The following CA10 variants were observed in gnomAD, a reference collection of about 807,000 sequenced individuals.
CA10 encodes the protein carbonic anhydrase 10 (inactive), also known as carbonic anhydrase-related protein 10.
In CA10, 14 loss-of-function variants were observed where a neutral mutation model predicts 44.2. The observed-to-expected ratio is 0.32, with a 90% CI of 0.21 to 0.50. CA10 has a LOEUF of 0.50. Ranked by LOEUF, CA10 falls within the 20% of genes least tolerant of loss-of-function variation. CA10 has a pLI of 0.99. For missense variants in CA10, 350 were observed against 409.7 expected, an observed-to-expected ratio of 0.85 and a Z score of 1.26; for synonymous variants, 159 against 141.6, an observed-to-expected ratio of 1.12 and a Z score of -0.87.
intron 3 of CA10, among the ~76,000 whole-genome samples, chr17:51,826,040 G>A (rs985023104): frequency 2.6e-5 from 4 of 152,224 alleles, no homozygotes; most frequent in Non-Finnish European, 5.9e-5. Context: ...AATAGCAATG[G>A]TAATAACTAC....
chr17:52,010,611 G>A (rs1017002286), intron 2 of CA10, among the ~76,000 whole-genome samples: 5 of 151,722 alleles, frequency 3.3e-5, no homozygotes, highest in African/African-American at 1.2e-4. Context: ...TGGACTTTGG[G>A]GACTGGGGGA....
At chr17:52,087,636 C>T (rs994016280) in intron 1 of CA10, among the ~76,000 whole-genome samples, 3 of 152,098 alleles carry the variant, frequency 2.0e-5, no homozygotes, top group East Asian at 3.9e-4. Context: ...GAATAGCTGC[C>T]GGAATGAGTT....
At chr17:51,748,655 TTGAA>T in intron 3 of CA10, 1 of 174,186 alleles carries the variant, frequency 5.7e-6, no homozygotes, top group Non-Finnish European at 1.1e-5. Flanking sequence ...TAGGGAGACT[TTGAA>T]TGAGTCTGGA....
intron 3 of CA10, among the ~76,000 whole-genome samples, chr17:51,892,164 T>C (rs947583978): frequency 1.2e-4 from 18 of 152,164 alleles, no homozygotes; most frequent in African/African-American, 4.1e-4. Flanking sequence ...GAACTCAAGG[T>C]GCAGAGACAT....
intron 4 of CA10, among the ~76,000 whole-genome samples, chr17:51,701,018 C>A (rs372906280): frequency 6.6e-5 from 10 of 152,100 alleles, no homozygotes; most frequent in African/African-American, 2.4e-4. Context: ...CAGCAAATCA[C>A]CATGGCACAC....
intron 4 of CA10, among the ~76,000 whole-genome samples, chr17:51,707,671 A>ATGTATGTGTGTG (rs1555587853): frequency 7.0e-6 from 1 of 142,910 alleles, no homozygotes; most frequent in African/African-American, 2.6e-5. Context: ...GTGGATGAAT[A>ATGTATGTGTGTG]TGTGTGTGTG....
At chr17:51,717,549 A>C (rs1301233344) in intron 4 of CA10, among the ~76,000 whole-genome samples, 1 of 140,006 alleles carries the variant, frequency 7.1e-6, no homozygotes, top group East Asian at 2.1e-4. Context: ...ATATATATAT[A>C]TATATATATA....
At chr17:52,094,061 G>GC (rs1988339609) in intron 1 of CA10, among the ~76,000 whole-genome samples, 1 of 152,002 alleles carries the variant, frequency 6.6e-6, no homozygotes, top group Non-Finnish European at 1.5e-5. Flanking sequence ...ACCAAACACC[G>GC]CATGTTCTCA....
intron 2 of CA10, among the ~76,000 whole-genome samples, chr17:51,960,303 C>G (rs1446985914): frequency 6.6e-6 from 1 of 151,806 alleles, no homozygotes; most frequent in Non-Finnish European, 1.5e-5. Flanking sequence ...ATTTGTGTTA[C>G]TAGAATCCCA....
intron 3 of CA10, among the ~76,000 whole-genome samples, chr17:51,829,456 C>T (rs540081681): frequency 3.3e-5 from 5 of 152,084 alleles, no homozygotes; most frequent in Non-Finnish European, 2.9e-5. Flanking sequence ...AAAGACAGTG[C>T]CATGCAAATG....
At chr17:51,815,001 T>C (rs747982761) in intron 3 of CA10, among the ~76,000 whole-genome samples, 2 of 152,300 alleles carry the variant, frequency 1.3e-5, no homozygotes, top group Admixed American at 1.3e-4. Context: ...TGGTGTCTTG[T>C]TGGCTTTTCT....
chr17:51,743,531 T>C (rs995081279), intron 4 of CA10, among the ~76,000 whole-genome samples: 1 of 152,228 alleles, frequency 6.6e-6, no homozygotes, highest in South Asian at 2.1e-4. Flanking sequence ...TTTATAAAAA[T>C]GCAGTTGCTG....
At chr17:51,950,818 T>G (rs1037985635) in intron 2 of CA10, among the ~76,000 whole-genome samples, 1 of 152,132 alleles carries the variant, frequency 6.6e-6, no homozygotes, top group South Asian at 2.1e-4. Context: ...ATATTTATAT[T>G]GATAGTCTGA....
chr17:51,998,265 A>G (rs1985304674), intron 2 of CA10, among the ~76,000 whole-genome samples: 1 of 152,104 alleles, frequency 6.6e-6, no homozygotes, highest in African/African-American at 2.4e-5. Context: ...TGAAGGAACA[A>G]TGAAAGTAGT....
intron 3 of CA10, among the ~76,000 whole-genome samples, chr17:51,803,025 A>G (rs911586216): frequency 3.9e-5 from 6 of 152,228 alleles, no homozygotes; most frequent in African/African-American, 1.4e-4. Flanking sequence ...TCTTCTGGCT[A>G]CAGAATTAAC....
chr17:51,722,797 C>T (rs1381908687), intron 4 of CA10, among the ~76,000 whole-genome samples: 1 of 152,132 alleles, frequency 6.6e-6, no homozygotes. Flanking sequence ...GTGGCAAAAT[C>T]CCTCCATTTT....
At chr17:52,073,993 G>A (rs1205140577) in intron 1 of CA10, among the ~76,000 whole-genome samples, 16 of 152,130 alleles carry the variant, frequency 1.1e-4, no homozygotes, top group Admixed American at 1.0e-3. Flanking sequence ...CCCCAAGTGG[G>A]TAGACAACAT....
chr17:52,088,464 C>G (rs1158920020), intron 1 of CA10, among the ~76,000 whole-genome samples: 1 of 152,116 alleles, frequency 6.6e-6, no homozygotes, highest in Non-Finnish European at 1.5e-5. Flanking sequence ...AGTGGAAGAA[C>G]AGTTTGGCAA....
intron 1 of CA10, among the ~76,000 whole-genome samples, chr17:52,139,900 G>C (rs1164058775): frequency 6.6e-6 from 1 of 152,152 alleles, no homozygotes; most frequent in Admixed American, 6.5e-5. Flanking sequence ...TGGCTGTTTG[G>C]AGTGGGTGTT....
Sources: allele counts gnomAD v4.1 joint callset (sites outside exome capture counted in the v4.1 genomes callset), GRCh38; gene constraint gnomAD v4.1.1; transcripts MANE v1.5; gene names NCBI Gene and HGNC (gene_info 2026-07-23, HGNC 2026-07-21).